ZNF713: variants seen among roughly 807,000 people sequenced by gnomAD.
The protein encoded by ZNF713 is zinc finger protein 713.
ZNF713 carries 21 observed loss-of-function variants against 28.7 expected under a neutral mutation model. The observed-to-expected ratio is 0.73, with a 90% CI of 0.52 to 1.05. ZNF713 has a LOEUF of 1.05. Ranked by LOEUF, ZNF713 falls within the 50% of genes least tolerant of loss-of-function variation. The pLI, the probability that ZNF713 is intolerant of heterozygous loss-of-function variation, is 0.00. For missense variants in ZNF713, 458 were observed against 532.4 expected (o/e 0.86, Z 1.37); for synonymous variants, 167 against 178.0 (o/e 0.94, Z 0.49).
In ZNF713 at chr7:55,923,187, C is replaced by T. The variant is rs1453529970; in HGVS notation, c.113C>T (p.Ala38Val). 1.2e-6 allele frequency: 2 copies of T among 1,612,880 alleles called. No homozygotes were observed. Among genetic ancestry groups the T allele is most frequent in the Admixed American group, 3.3e-5 (2 of 59,730 alleles). The stretch of plus-strand genomic sequence containing the variant: ...GAATCACTGACGTTTCAGGATGTGG[C>T]CGTGGACTTCACCAGAGAGGAGTGG... ...SQESLTFQDV[A>V]VDFTREEWDQ... Residue 38 changes from alanine (A) to valine (V), a missense_variant, in exon 5 of 7, where the codon GCC becomes GTC. Physicochemically the swap from Ala to Val is moderately conservative, Grantham distance 64 (BLOSUM62 0). Coordinates refer to ENST00000429591, the MANE Select transcript of ZNF713 (RefSeq NM_182633.3).
rs1785302950 is a variant in ZNF713, at chr7:55,887,877, CGGCGGCGGCG to C, written c.-583+209_-583+218del. On this transcript the variant is annotated intron_variant, in intron 1 of 6. Coordinates refer to ENST00000429591, the MANE Select transcript of ZNF713 (RefSeq NM_182633.3). ...GGCGGGCGGCGGGCGGCGGCGGCGG[CGGCGGCGGCG>C]GGCGGCGGCGGCGGCGGGAGGCGGC... 5.3e-4 allele frequency among the ~76,000 whole-genome samples: 12 copies of C among 22,842 alleles called. 3 individuals are homozygous for C. The South Asian group carries it at 6.3e-3, about 12-fold the overall frequency. The allele number at this position is 22,842 out of a possible 152,430, so 15.0% of individuals were successfully genotyped here.
At chr7:55,906,845 G>A (rs951385671) in intron 2 of ZNF713, among the ~76,000 whole-genome samples, 2 of 152,140 alleles carry the variant, frequency 1.3e-5, no homozygotes, top group East Asian at 1.9e-4. Context: ...CCTTTGAAAT[G>A]TAAAGTAATT....
At chr7:55,927,560 T>G (rs950365700) in intron 6 of ZNF713, among the ~76,000 whole-genome samples, 8 of 151,814 alleles carry the variant, frequency 5.3e-5, no homozygotes, top group African/African-American at 1.9e-4. Context: ...GGAACGATTT[T>G]ACTTGTTTAT....
At chr7:55,904,947 G>A (rs1478472055) in intron 1 of ZNF713, among the ~76,000 whole-genome samples, 1 of 151,970 alleles carries the variant, frequency 6.6e-6, no homozygotes, top group Non-Finnish European at 1.5e-5. Flanking sequence ...GGCTGGTCTC[G>A]AACTCCTGAC....
intron 4 of ZNF713, among the ~76,000 whole-genome samples, chr7:55,914,260 G>A (rs374462895): frequency 9.2e-5 from 14 of 152,016 alleles, no homozygotes; most frequent in South Asian, 2.1e-4. Flanking sequence ...ATCAGATACC[G>A]GTCTCAATTG....
intron 6 of ZNF713, among the ~76,000 whole-genome samples, chr7:55,935,475 T>C (rs371450675): frequency 2.0e-5 from 3 of 152,170 alleles, no homozygotes; most frequent in Admixed American, 6.6e-5. Context: ...AAACTATATA[T>C]GTATAAATAC....
chr7:55,902,606 G>A (rs531028526), intron 1 of ZNF713, among the ~76,000 whole-genome samples: 7 of 152,216 alleles, frequency 4.6e-5, no homozygotes, highest in Non-Finnish European at 1.0e-4. Context: ...TGATGCTCAG[G>A]CCTATATCTC....
rs192841481 is a variant in ZNF713 at position 55,927,614 on chromosome 7, T to C, written c.307+3915T>C. Among the ~76,000 whole-genome samples the C allele has an allele frequency of 8.0e-4, 122 of 151,830 alleles. 2 individuals are homozygous for C. Among genetic ancestry groups the C allele is most frequent in the African/African-American group, 2.8e-3 (117 of 41,372 alleles). On this transcript the variant is annotated intron_variant, in intron 6 of 6. Coordinates refer to ENST00000429591, the MANE Select transcript of ZNF713 (RefSeq NM_182633.3). ...CCAGTAGAGAGGACAAGTAAAAAAA[T>C]AGATACAGCTGGGTGCTCGCGCCTG...
intron 4 of ZNF713, among the ~76,000 whole-genome samples, chr7:55,920,027 C>T (rs1282816248): frequency 1.3e-5 from 2 of 152,206 alleles, no homozygotes; most frequent in South Asian, 4.1e-4. Context: ...GTTCCTCCAT[C>T]TCCCTCTCCC....
chr7:55,930,576 A>C (rs1786190954), intron 6 of ZNF713, among the ~76,000 whole-genome samples: 1 of 152,214 alleles, frequency 6.6e-6, no homozygotes, highest in Non-Finnish European at 1.5e-5. Flanking sequence ...ATCTTGGGCA[A>C]CATGAAGAAA....
intron 1 of ZNF713, among the ~76,000 whole-genome samples, chr7:55,893,221 G>T (rs2116164307): frequency 6.6e-6 from 1 of 152,238 alleles, no homozygotes; most frequent in Non-Finnish European, 1.5e-5. Context: ...GGAGCCTTCA[G>T]ACTGAAGACC....
chr7:55,893,700 C>G (rs1370822455), intron 1 of ZNF713, among the ~76,000 whole-genome samples: 2 of 152,166 alleles, frequency 1.3e-5, no homozygotes, highest in Non-Finnish European at 2.9e-5. Context: ...GTGCCTCAGC[C>G]TCCCGAGTAG....
At chr7:55,896,564 A>G (rs1242921512) in intron 1 of ZNF713, among the ~76,000 whole-genome samples, 1 of 150,760 alleles carries the variant, frequency 6.6e-6, no homozygotes, top group African/African-American at 2.4e-5. Context: ...TATCAGTATG[A>G]ACTCATGATA....
intron 1 of ZNF713, among the ~76,000 whole-genome samples, chr7:55,892,555 C>CGAAA (rs574054003): frequency 2.7e-5 from 2 of 74,364 alleles, no homozygotes; most frequent in Non-Finnish European, 4.6e-5. Context: ...AAGCACTGAC[C>CGAAA]AAAAAAAAAA....
rs763448682 is a variant in ZNF713, at chr7:55,923,288, G to T, written c.214G>T (p.Gly72Trp). 1.2e-6 allele frequency: 2 copies of T among 1,605,612 alleles called. No individual in the cohort carries two copies. The highest frequency in any genetic ancestry group is 1.7e-5 in the Admixed American group (1 of 57,374). The change falls in exon 5 of 7, where the codon GGG becomes TGG. Residue 72 changes from glycine (G) to tryptophan (W), a missense_variant and splice_region_variant. Transcript: ENST00000429591. ...GAACTACAGGAATCTAGTTGCACTG[G>T]GTGAGGATGGCATCCCTGTGAAACC... The part of the protein sequence containing the change: ...LENYRNLVAL[G>W]YQLCKPEVIA...
chr7:55,909,722 G>A (rs1785749160), intron 2 of ZNF713, among the ~76,000 whole-genome samples: 1 of 152,028 alleles, frequency 6.6e-6, no homozygotes, highest in Non-Finnish European at 1.5e-5. Context: ...TTTCATCAGT[G>A]TTTTGTAATT....
At chr7:55,909,971 A>ATGTGTG (rs71015122) in intron 2 of ZNF713, among the ~76,000 whole-genome samples, 1 of 146,684 alleles carries the variant, frequency 6.8e-6, no homozygotes, top group Non-Finnish European at 1.5e-5. Flanking sequence ...ATATACGTTT[A>ATGTGTG]TGTGTGTGTG....
chr7:55,887,638 C>A lies in ZNF713; in HGVS notation c.-625C>A. ...GCGGCGGCGGCGGCGGCGGCGGCGG[C>A]GTCAGGGGGCGGAGCCTGCCGAAGC... On this transcript the variant is annotated 5_prime_UTR_variant, in exon 1 of 7. Transcript: ENST00000429591. The A allele has an allele frequency of 6.9e-6, 1 of 144,264 alleles. No individual in the cohort carries two copies. The highest frequency in any genetic ancestry group is 1.3e-5 in the Non-Finnish European group (1 of 78,466). The allele number at this position is 144,264 out of a possible 1,614,324, so 8.9% of individuals were successfully genotyped here. A position where few individuals can be genotyped will look rare whatever the true frequency, so the allele number is the denominator to read the frequency against.
chr7:55,923,822 A>T (rs1187700604), intron 6 of ZNF713, 123 bp downstream of exon 6: 2 of 617,438 alleles, frequency 3.2e-6, no homozygotes, highest in Non-Finnish European at 5.5e-6. Flanking sequence ...TTTGAAAAAA[A>T]TCAGTTCATA....
Sources: allele counts gnomAD v4.1 joint callset (sites outside exome capture counted in the v4.1 genomes callset), GRCh38; gene constraint gnomAD v4.1.1; transcripts MANE v1.5; gene names NCBI Gene and HGNC (gene_info 2026-07-23, HGNC 2026-07-21).